The following DNAH7 variants were observed in gnomAD, a reference collection of about 807,000 sequenced individuals.
DNAH7 encodes the protein axonemal beta dynein heavy chain 7.
DNAH7 carries 397 observed loss-of-function variants against 444.6 expected under a neutral mutation model. That is an observed-to-expected ratio of 0.89 (90% CI 0.82 to 0.97). DNAH7 has a LOEUF of 0.97. Among genes scored for constraint, DNAH7 ranks in the 50% least tolerant of loss-of-function variants. The probability of loss-of-function intolerance (pLI) is 0.00; values close to 1 mark genes in which losing one functional copy is unlikely to be tolerated. For synonymous variants in DNAH7, 1,636 were observed against 1,624.4 expected, an observed-to-expected ratio of 1.01 and a Z score of -0.17; for missense variants, 4,902 against 4,800.8, an observed-to-expected ratio of 1.02 and a Z score of -0.62.
At chr2:196,032,552 A>G (rs867019242) in intron 5 of DNAH7, among the ~76,000 whole-genome samples, 2 of 152,340 alleles carry the variant, frequency 1.3e-5, no homozygotes, top group South Asian at 2.1e-4. Context: ...CCAAAAGGCA[A>G]AAAAGGATCA....
intron 28 of DNAH7, among the ~76,000 whole-genome samples, chr2:195,898,569 G>A (rs1233165831): frequency 6.6e-5 from 10 of 152,056 alleles, no homozygotes; most frequent in African/African-American, 1.7e-4. Flanking sequence ...TAACAGTAAC[G>A]TGTCCAAGCG....
chr2:195,770,400 C>T (rs926793851), intron 61 of DNAH7, among the ~76,000 whole-genome samples: 1 of 152,142 alleles, frequency 6.6e-6, no homozygotes, highest in Non-Finnish European at 1.5e-5. Flanking sequence ...CATCACGATC[C>T]AGCCTCTGGC....
chr2:195,756,277 T>A lies in DNAH7; in HGVS notation c.11442A>T (p.Ala3814=), dbSNP rs1163988571. 6.2e-7 allele frequency: 1 copy of A among 1,608,328 alleles called. No homozygotes were observed. The highest frequency in any genetic ancestry group is 2.2e-5 in the East Asian group (1 of 44,742). The part of the protein sequence containing the change: ...VNIQKAIKGL[A]VMSTDLEEVV... ...CTTCTTCAAGATCTGTAGACATGAC[T>A]GCAAGCCCCTGAAACACATTTAACC... is the stretch of plus-strand genomic sequence containing the variant. The change falls in exon 62 of 65, where the codon GCA becomes GCT. Residue 3814 remains alanine, a synonymous_variant. Transcript: ENST00000312428.
intron 1 of DNAH7, among the ~76,000 whole-genome samples, chr2:196,060,407 G>A (rs1698072286): frequency 6.6e-6 from 1 of 151,970 alleles, no homozygotes; most frequent in Non-Finnish European, 1.5e-5. Flanking sequence ...TCTCTTTTCT[G>A]TCTCAGTCTA....
At chr2:195,844,741 C>T (rs532044670) in intron 47 of DNAH7, among the ~76,000 whole-genome samples, 1 of 152,202 alleles carries the variant, frequency 6.6e-6, no homozygotes, top group African/African-American at 2.4e-5. Context: ...TTACTTAAGG[C>T]AGGGTTTTGC....
In DNAH7 at chr2:195,809,298, CAAG is replaced by C. The variant is rs568899086; in HGVS notation, c.9889-425_9889-423del. ...TGATACACAACTTTTGCAAGAAATG[CAAG>C]AATAAAGTATTTATTTCTTCAGAAT... On this transcript the variant is annotated intron_variant, in intron 52 of 64. Transcript: ENST00000312428. Among the ~76,000 whole-genome samples the C allele has an allele frequency of 9.9e-5, 15 of 152,218 alleles. No homozygotes were observed. In the South Asian group the frequency reaches 3.1e-3, roughly 32 times the overall value.
intron 64 of DNAH7, among the ~76,000 whole-genome samples, chr2:195,738,745 A>G (rs929575822): frequency 1.3e-5 from 2 of 151,932 alleles, no homozygotes. Flanking sequence ...ATGTAAGAGT[A>G]AGAACAAACT....
chr2:196,038,055 G>C (rs1377814563), intron 5 of DNAH7, among the ~76,000 whole-genome samples: 1 of 151,872 alleles, frequency 6.6e-6, no homozygotes, highest in Non-Finnish European at 1.5e-5. Context: ...CCGAAAAACA[G>C]CATACTTATC....
chr2:195,813,933 G>A (rs1213486425), intron 51 of DNAH7, among the ~76,000 whole-genome samples: 1 of 152,190 alleles, frequency 6.6e-6, no homozygotes, highest in East Asian at 1.9e-4. Flanking sequence ...GACGTTGAGT[G>A]CAAGATATCA....
At chr2:196,060,745 G>C (rs904594620) in intron 1 of DNAH7, among the ~76,000 whole-genome samples, 4 of 152,098 alleles carry the variant, frequency 2.6e-5, no homozygotes, top group Admixed American at 6.5e-5. Flanking sequence ...CTCTCATCAA[G>C]AGCTCTGATT....
intron 45 of DNAH7, among the ~76,000 whole-genome samples, 190 bp downstream of exon 45, chr2:195,855,621 A>C (rs1379404136): frequency 6.6e-6 from 1 of 152,200 alleles, no homozygotes; most frequent in Non-Finnish European, 1.5e-5. Context: ...AATTATTTTA[A>C]AATGTCAAAA....
At chr2:195,845,679 G>A (rs955981685) in intron 46 of DNAH7, among the ~76,000 whole-genome samples, 2 of 152,136 alleles carry the variant, frequency 1.3e-5, no homozygotes, top group Admixed American at 1.3e-4. Flanking sequence ...GAATGGAACA[G>A]AATAGAGAGC....
In DNAH7 at chr2:195,817,697, T is replaced by C. The variant is rs1002484067; in HGVS notation, c.9424A>G (p.Arg3142Gly). 4 of 1,602,112 alleles carry C rather than the reference T, an allele frequency of 2.5e-6. No homozygotes were observed. Among genetic ancestry groups the C allele is most frequent in the Non-Finnish European group, 2.5e-6 (3 of 1,176,966 alleles). ...AGTTCTGTTTATGACATTTAAAACCTTTTATTTTCAGCTCCTTGTAATATC... is the reference window on the plus strand; with the variant it reads ...AGTTCTGTTTATGACATTTAAAACCCTTTATTTTCAGCTCCTTGTAATATC... ...ALILQGAENK[R>G]QLKEIEDKIL... Residue 3142 changes from arginine (R) to glycine (G), a missense_variant and splice_region_variant, in exon 50 of 65, where the codon AGG (arginine) becomes GGG (glycine). Arg to Gly is a moderately radical substitution (Grantham distance 125). Transcript: ENST00000312428.
intron 19 of DNAH7, among the ~76,000 whole-genome samples, chr2:195,940,670 C>T (rs1689364944): frequency 6.6e-6 from 1 of 150,822 alleles, no homozygotes; most frequent in African/African-American, 2.4e-5. Context: ...GGAACTTAAG[C>T]CAATTAAAAA....
chr2:195,853,550 T>A, intron 45 of DNAH7, 22 bp from the exon 46 acceptor site: 2 of 1,595,588 alleles, frequency 1.3e-6, no homozygotes, highest in African/African-American at 1.3e-5. Flanking sequence ...AAGTGAGCTT[T>A]TATCAACATT....
At chr2:195,760,432 C>G (rs752356894) in intron 61 of DNAH7, among the ~76,000 whole-genome samples, 16 of 152,272 alleles carry the variant, frequency 1.1e-4, no homozygotes, top group Non-Finnish European at 1.9e-4. Context: ...CAAACATAGA[C>G]AGTAGCCAGG....
At chr2:196,056,607 C>T (rs190320800) in intron 2 of DNAH7, among the ~76,000 whole-genome samples, 15 of 152,084 alleles carry the variant, frequency 9.9e-5, no homozygotes, top group Non-Finnish European at 1.5e-4. Flanking sequence ...CAGATAAATG[C>T]TATTCCTTGA....
chr2:195,956,111 G>C (rs1690633264), intron 19 of DNAH7, among the ~76,000 whole-genome samples: 1 of 152,000 alleles, frequency 6.6e-6, no homozygotes, highest in Non-Finnish European at 1.5e-5. Context: ...TCATATAGTT[G>C]ACGTCAATAC....
intron 55 of DNAH7, among the ~76,000 whole-genome samples, chr2:195,798,724 T>G (rs578037372): frequency 3.6e-4 from 55 of 151,886 alleles, no homozygotes; most frequent in African/African-American, 1.3e-3. Context: ...TTTTTTGTAT[T>G]TTTAGTAGAG....
Sources: allele counts gnomAD v4.1 joint callset (sites outside exome capture counted in the v4.1 genomes callset), GRCh38; gene constraint gnomAD v4.1.1; transcripts MANE v1.5; gene names NCBI Gene and HGNC (gene_info 2026-07-23, HGNC 2026-07-21).